Variants in COL18A1 observed in about 807,000 individuals in gnomAD.
COL18A1 encodes the protein collagen type XVIII alpha 1 chain, also known as collagen alpha-1(XVIII) chain.
COL18A1 carries 133 observed loss-of-function variants against 168.0 expected under a neutral mutation model. That is an observed-to-expected ratio of 0.79 (90% confidence interval 0.69 to 0.91). The LOEUF (loss-of-function observed/expected upper bound fraction) is 0.91, where lower values mean the gene tolerates loss of function less well. Ranked by LOEUF, COL18A1 falls within the 40% of genes least tolerant of loss-of-function variation. The pLI, the probability that COL18A1 is intolerant of heterozygous loss-of-function variation, is 0.00. For missense variants in COL18A1, 2,126 were observed against 1,925.4 expected (o/e 1.10, Z -1.95); for synonymous variants, 949 against 809.0 (o/e 1.17, Z -2.94).
At chr21:45,506,400 G>C (rs2037207016) in intron 37 of COL18A1, 2 of 328,102 alleles carry the variant, frequency 6.1e-6, no homozygotes, top group African/African-American at 4.3e-5. Context: ...TAAACACCAA[G>C]GTGGGATGAA....
Position 45,505,272 on chromosome 21 carries a change from A to G in COL18A1, c.3007A>G (p.Arg1003Gly), listed in dbSNP as rs1208643659. The G allele has an allele frequency of 5.6e-6, 9 of 1,606,768 alleles. No individual in the cohort carries two copies. Among genetic ancestry groups the G allele is most frequent in the Non-Finnish European group, 7.7e-6 (9 of 1,175,882 alleles). Residue 1003 changes from arginine to glycine, a missense_variant, in exon 35 of 42, where the codon AGG becomes GGG. By Grantham distance (125) the Arg-to-Gly change is moderately radical (BLOSUM62 -2). Coordinates refer to ENST00000651438, the MANE Select transcript of COL18A1 (RefSeq NM_001379500.1). ...PGPPSFPGPH[R>G]QTISVPGPPG... Reference sequence around the variant, plus strand: ...GCCCCCTTCATTTCCTGGCCCTCACAGGCAGAGTAAGTCAGTGGGGAGTGG... The same window carrying G: ...GCCCCCTTCATTTCCTGGCCCTCACGGGCAGAGTAAGTCAGTGGGGAGTGG...
chr21:45,449,175 C>T (rs1182692933), intron 2 of COL18A1, among the ~76,000 whole-genome samples: 1 of 152,226 alleles, frequency 6.6e-6, no homozygotes, highest in Non-Finnish European at 1.5e-5. Flanking sequence ...TCTCTGGCGG[C>T]CTTCCCAAGG....
At chr21:45,419,338 T>C (rs1169464603) in intron 2 of COL18A1, among the ~76,000 whole-genome samples, 5 of 150,824 alleles carry the variant, frequency 3.3e-5, no homozygotes, top group Admixed American at 2.6e-4. Context: ...TACATGATGC[T>C]GTGTGTAGTG....
At chr21:45,490,158 TGA>T in intron 19 of COL18A1, 115 bp from the exon 20 acceptor site, 9 of 696,492 alleles carry the variant, frequency 1.3e-5, no homozygotes, top group East Asian at 3.1e-5. Flanking sequence ...CCCACAGGGG[TGA>T]GAGAGAGAAG....
rs1409194059 is a variant in COL18A1 at position 45,476,138 on chromosome 21, TGGGTCC to T, written c.799-212_799-207del. 0.03 allele frequency among the ~76,000 whole-genome samples: 4,320 copies of T among 144,564 alleles called. 181 individuals are homozygous for T. The highest frequency in any genetic ancestry group is 0.095 in the East Asian group (493 of 5,174). The allele number at this position is 144,564 out of a possible 152,430, so 94.8% of individuals were successfully genotyped here. On this transcript the variant is annotated intron_variant, in intron 5 of 41. Transcript: ENST00000651438. ...TCTGTGGTGACGGCAGGCGCGGTCCTGGGTCCTGGGGAGCCGGGGAGCCCACAGGCG... is the reference window on the plus strand; with the variant it reads ...TCTGTGGTGACGGCAGGCGCGGTCCTTGGGGAGCCGGGGAGCCCACAGGCG...
intron 2 of COL18A1, among the ~76,000 whole-genome samples, chr21:45,440,398 G>A (rs1286155500): frequency 6.6e-6 from 1 of 152,252 alleles, no homozygotes; most frequent in Non-Finnish European, 1.5e-5. Context: ...GAGTTGCTGG[G>A]TGGGCTCCTC....
intron 2 of COL18A1, among the ~76,000 whole-genome samples, chr21:45,445,765 A>T (rs1263195389): frequency 1.3e-5 from 2 of 152,154 alleles, no homozygotes; most frequent in Non-Finnish European, 2.9e-5. Context: ...AGAAATGTCT[A>T]TTCCGATTCT....
chr21:45,470,726 A>G (rs1201428255), intron 3 of COL18A1, among the ~76,000 whole-genome samples: 8 of 152,140 alleles, frequency 5.3e-5, no homozygotes, highest in African/African-American at 1.9e-4. Context: ...ACCTCAGGTG[A>G]TCCACCCGCC....
intron 2 of COL18A1, among the ~76,000 whole-genome samples, chr21:45,448,173 A>G (rs1260396167): frequency 1.3e-5 from 2 of 152,242 alleles, no homozygotes; most frequent in Non-Finnish European, 2.9e-5. Flanking sequence ...TCAAACCTGC[A>G]TTGACGTTGA....
rs9976345 is a variant in COL18A1 at position 45,441,870 on chromosome 21, C to G, written c.107-26372C>G. Among the ~76,000 whole-genome samples the G allele has an allele frequency of 9.1e-4, 138 of 152,336 alleles. 1 individual carries two copies. Among genetic ancestry groups the G allele is most frequent in the African/African-American group, 3.0e-3 (126 of 41,578 alleles). The stretch of plus-strand genomic sequence containing the variant: ...GCTCTCTCCATAAAGGAGGGACTCC[C>G]CATGCCACTCCCAAGGCCACGGGAG... On this transcript the variant is annotated intron_variant, in intron 2 of 41. Transcript: ENST00000651438.
intron 2 of COL18A1, among the ~76,000 whole-genome samples, chr21:45,438,785 G>A (rs1162151713): frequency 6.6e-6 from 1 of 152,250 alleles, no homozygotes; most frequent in African/African-American, 2.4e-5. Context: ...AGGCAGAGTG[G>A]CTTATTAGAC....
chr21:45,463,760 G>A lies in COL18A1; in HGVS notation c.107-4482G>A, dbSNP rs2035114965. Among the ~76,000 whole-genome samples, 1 of 152,130 alleles carries A rather than the reference G, an allele frequency of 6.6e-6. No individual in the cohort carries two copies. The highest frequency in any genetic ancestry group is 1.5e-5 in the Non-Finnish European group (1 of 68,020). ...TAACAATACAAAATTAGCTGGGTAT[G>A]GTGGTGCATGCCTGTAATCCTAGCT... On this transcript the variant is annotated intron_variant, in intron 2 of 41. Coordinates refer to ENST00000651438, the MANE Select transcript of COL18A1 (RefSeq NM_001379500.1). This position sits in a 1 kb window ranked among gnomAD's most constrained non-coding sequence, Gnocchi z 4.0.
chr21:45,511,080 C>CAG lies in COL18A1; in HGVS notation c.3694-30_3694-29insGA, dbSNP rs758712533. On this transcript the variant is annotated intron_variant, in intron 40 of 41. Coordinates refer to ENST00000651438, the MANE Select transcript of COL18A1 (RefSeq NM_001379500.1). ...CACACCCATCCACACCCCCACACAC[C>CAG]ACACACACATACACACGGTTTCTCT... 6 of 1,063,006 alleles carry CAG rather than the reference C, an allele frequency of 5.6e-6. No homozygotes were observed. The Admixed American group carries it at 1.2e-4, about 21-fold the overall frequency. The allele number at this position is 1,063,006 out of a possible 1,614,324, so 65.8% of individuals were successfully genotyped here.
intron 17 of COL18A1, 54 bp downstream of exon 17, chr21:45,487,563 G>A: frequency 1.9e-6 from 3 of 1,604,484 alleles, no homozygotes; most frequent in Non-Finnish European, 2.5e-6. Flanking sequence ...GGTGTTGCCT[G>A]GGGCAGGAGA....
rs950327233 is a variant in COL18A1 at position 45,410,406 on chromosome 21, G to A, written c.106+4933G>A. Among the ~76,000 whole-genome samples the A allele has an allele frequency of 4.1e-5, 5 of 123,176 alleles. No individual in the cohort carries two copies. In the East Asian group the frequency reaches 9.8e-4, roughly 24 times the overall value. The allele number at this position is 123,176 out of a possible 152,430, so 80.8% of individuals were successfully genotyped here. ...GTGGGCACACGCTGGTGCTGGGGCCGGGCACTGGTGGGGGGTCAAGGGCTG... is the reference window on the plus strand; with the variant it reads ...GTGGGCACACGCTGGTGCTGGGGCCAGGCACTGGTGGGGGGTCAAGGGCTG... On this transcript the variant is annotated intron_variant, in intron 2 of 41. Transcript: ENST00000651438.
At chr21:45,455,601 A>G in intron 2 of COL18A1, 3 of 1,613,958 alleles carry the variant, frequency 1.9e-6, no homozygotes, top group Non-Finnish European at 2.5e-6. Flanking sequence ...GCCCGGGCCA[A>G]CCTGCTGAAC....
chr21:45,437,658 A>ACT (rs1569288344), intron 2 of COL18A1, among the ~76,000 whole-genome samples: 2 of 67,942 alleles, frequency 2.9e-5, no homozygotes, highest in Non-Finnish European at 5.6e-5. Flanking sequence ...TCCTGCACAC[A>ACT]CACACACTCA....
intron 3 of COL18A1, among the ~76,000 whole-genome samples, chr21:45,470,492 GT>G (rs71185152): frequency 9.6e-4 from 39 of 40,784 alleles, no homozygotes; most frequent in Admixed American, 2.1e-3. Context: ...TTTTTTTTTT[GT>G]TTTTTTTTTT....
intron 2 of COL18A1, among the ~76,000 whole-genome samples, chr21:45,445,973 T>C (rs973931155): frequency 6.6e-6 from 1 of 152,244 alleles, no homozygotes; most frequent in African/African-American, 2.4e-5. Context: ...TATTTTTCTT[T>C]TGTCACTTGG....
Sources: allele counts gnomAD v4.1 joint callset (sites outside exome capture counted in the v4.1 genomes callset), GRCh38; gene constraint gnomAD v4.1.1; non-coding constraint Gnocchi (gnomAD v3.1); transcripts MANE v1.5; gene names NCBI Gene and HGNC (gene_info 2026-07-23, HGNC 2026-07-21).